PAX8: variants seen among roughly 807,000 people sequenced by gnomAD.
PAX8 encodes paired box protein Pax-8.
In PAX8, 15 loss-of-function variants were observed where a neutral mutation model predicts 52.4. The ratio of observed to expected loss-of-function variants is 0.29; its 90% CI spans 0.19 to 0.44. PAX8 has a LOEUF of 0.44. Ranked by LOEUF, PAX8 falls within the 20% of genes least tolerant of loss-of-function variation. The pLI, the probability that PAX8 is intolerant of heterozygous loss-of-function variation, is 1.00. For synonymous variants in PAX8, 284 were observed against 249.7 expected (o/e 1.14, Z -1.29); for missense variants, 554 against 602.5 (o/e 0.92, Z 0.84).
rs1693988335 is a variant in PAX8 at position 113,278,473 on chromosome 2, C to A, written c.-75-4G>T. 7.5e-6 allele frequency: 12 copies of A among 1,598,272 alleles called. No individual in the cohort carries two copies. In the East Asian group the frequency reaches 2.7e-4, roughly 36 times the overall value. ...CCGGGCCGCGCCTGCCGCTGCCCTG[C>A]ACAAACCCAGGAGAAGGGCATGAGA... On this transcript the variant is annotated splice_polypyrimidine_tract_variant and splice_region_variant and intron_variant, in intron 1 of 11. Coordinates refer to ENST00000429538, the MANE Select transcript of PAX8 (RefSeq NM_003466.4).
At chr2:113,253,766 T>A (rs1691974436) in intron 2 of PAX8, among the ~76,000 whole-genome samples, 1 of 152,158 alleles carries the variant, frequency 6.6e-6, no homozygotes, top group Non-Finnish European at 1.5e-5. Context: ...ATGGCTGTCA[T>A]AGAAAGGTAG....
intron 2 of PAX8, chr2:113,273,104 C>T (rs750852335): frequency 6.6e-6 from 1 of 152,230 alleles, no homozygotes; most frequent in Non-Finnish European, 1.5e-5. Flanking sequence ...CTCAGCACTT[C>T]TTGGACTGAT....
intron 10 of PAX8, among the ~76,000 whole-genome samples, chr2:113,221,310 C>T (rs1689260763): frequency 6.6e-6 from 1 of 152,196 alleles, no homozygotes; most frequent in Non-Finnish European, 1.5e-5. Context: ...GTCCACCCAG[C>T]CTTTCAGAAA....
chr2:113,251,457 T>C (rs1328875319), intron 2 of PAX8, among the ~76,000 whole-genome samples: 1 of 112,766 alleles, frequency 8.9e-6, no homozygotes, highest in Non-Finnish European at 1.8e-5. Context: ...GGATTGTGAG[T>C]GGGGAGGTGG....
At chr2:113,227,350 C>A (rs531535905) in intron 9 of PAX8, 94 bp from the exon 10 acceptor site, 15 of 1,014,644 alleles carry the variant, frequency 1.5e-5, no homozygotes, top group Non-Finnish European at 2.1e-5. Flanking sequence ...CCATGCCATT[C>A]CCACCCTCTC....
chr2:113,275,877 C>A (rs573208256), intron 2 of PAX8: 2 of 152,364 alleles, frequency 1.3e-5, no homozygotes, highest in African/African-American at 4.8e-5. Flanking sequence ...GGAAAGACAA[C>A]GTTAAGACTC....
chr2:113,253,928 A>T (rs572770715), intron 2 of PAX8, among the ~76,000 whole-genome samples: 1 of 152,178 alleles, frequency 6.6e-6, no homozygotes, highest in Non-Finnish European at 1.5e-5. Context: ...CATTTTTTGC[A>T]TAACTATATA....
chr2:113,232,033 CTCTT>C (rs1265585590), intron 9 of PAX8, among the ~76,000 whole-genome samples: 1 of 152,170 alleles, frequency 6.6e-6, no homozygotes, highest in Non-Finnish European at 1.5e-5. Flanking sequence ...CAGGTTCCTT[CTCTT>C]TCTTTCAAAT....
At chr2:113,241,465 C>T (rs757729232) in intron 7 of PAX8, 86 bp downstream of exon 7, 5 of 1,369,658 alleles carry the variant, frequency 3.7e-6, no homozygotes, top group Non-Finnish European at 5.0e-6. Context: ...CTTCCAGCTG[C>T]TTTGATGGAG....
Position 113,227,228 on chromosome 2 carries a change from G to A in PAX8, c.1116C>T (p.Pro372=), listed in dbSNP as rs189229644. ...TGGTGGGGATGTGGGGTGGGTATCC[G>A]GGCAGCGTGGGCCCCACCATCTCTC... The part of the protein sequence containing the change: ...SGREMVGPTL[P]GYPPHIPTSG... Residue 372 remains proline, a synonymous_variant, in exon 10 of 12, where the codon CCC becomes CCT. Coordinates refer to ENST00000429538, the MANE Select transcript of PAX8 (RefSeq NM_003466.4). 2.5e-4 allele frequency: 395 copies of A among 1,610,500 alleles called. No homozygotes were observed. The East Asian group carries it at 4.7e-3, about 19-fold the overall frequency.
In PAX8 at chr2:113,278,456, C is replaced by T; in HGVS notation, c.-62G>A. On this transcript the variant is annotated 5_prime_UTR_variant, in exon 2 of 12. Coordinates refer to ENST00000429538, the MANE Select transcript of PAX8 (RefSeq NM_003466.4). The stretch of plus-strand genomic sequence containing the variant: ...GGCTTCCTCCCGTAGGTCCGGGCCG[C>T]GCCTGCCGCTGCCCTGCACAAACCC... The T allele has an allele frequency of 1.2e-6, 2 of 1,605,840 alleles. No homozygotes were observed. The highest frequency in any genetic ancestry group is 1.1e-5 in the South Asian group (1 of 90,468).
At chr2:113,271,752 G>C (rs1312692693) in intron 2 of PAX8, 1 of 148,244 alleles carries the variant, frequency 6.7e-6, no homozygotes, top group Non-Finnish European at 1.5e-5. Flanking sequence ...GGTTGAGGTA[G>C]GGAGCAGTGG....
At position 113,244,146 on chromosome 2, in the gene PAX8, C is replaced by A. The variant is rs557727443; in HGVS notation, c.389+281G>T. Among the ~76,000 whole-genome samples the A allele has an allele frequency of 4.6e-5, 7 of 152,242 alleles. No individual in the cohort carries two copies. In the East Asian group the frequency reaches 9.7e-4, roughly 21 times the overall value. ...AGAAAAGGATCAATTCATGAAGATT[C>A]TTTTATTGAATGAAAGCAGATGTGG... On this transcript the variant is annotated intron_variant, in intron 4 of 11. Coordinates refer to ENST00000429538, the MANE Select transcript of PAX8 (RefSeq NM_003466.4).
chr2:113,272,142 A>C (rs1193064419), intron 2 of PAX8: 1 of 152,032 alleles, frequency 6.6e-6, no homozygotes, highest in Non-Finnish European at 1.5e-5. Flanking sequence ...ACAGAACCCA[A>C]GTATCCTTCG....
rs939477331 is a variant in PAX8 at position 113,257,588 on chromosome 2, A to T, written c.26-10669T>A. ...CCCCAATAGTGAGAGGGAGCTGGGG[A>T]GGGACAGGGGAGGGAGATAGAGGAT... On this transcript the variant is annotated intron_variant, in intron 2 of 11. Transcript: ENST00000429538. Among the ~76,000 whole-genome samples the T allele has an allele frequency of 5.3e-5, 8 of 152,150 alleles. No homozygotes were observed. In the East Asian group the frequency reaches 1.3e-3, roughly 26 times the overall value.
chr2:113,216,807 G>A lies in PAX8; in HGVS notation c.*1726C>T, dbSNP rs1689042563. ...CTGGGGTTTTGGGTAAAAGCGTTGG[G>A]CTTAGAGTAAGAGGACTTGGTTGAA... On this transcript the variant is annotated 3_prime_UTR_variant, in exon 12 of 12. Coordinates refer to ENST00000429538, the MANE Select transcript of PAX8 (RefSeq NM_003466.4). 4.4e-6 allele frequency: 1 copy of A among 228,676 alleles called. No individual in the cohort carries two copies. The highest frequency in any genetic ancestry group is 5.7e-5 in the Admixed American group (1 of 17,620). 14.2% of individuals were successfully genotyped at this position (228,676 alleles called of 1,614,324 possible).
At chr2:113,243,255 G>C (rs1041447624) in intron 4 of PAX8, among the ~76,000 whole-genome samples, 2 of 152,114 alleles carry the variant, frequency 1.3e-5, no homozygotes, top group Admixed American at 1.3e-4. Flanking sequence ...ATCTGCCAAG[G>C]GTTTCCCATT....
chr2:113,231,419 C>A (rs575723467), intron 9 of PAX8, among the ~76,000 whole-genome samples: 1 of 152,358 alleles, frequency 6.6e-6, no homozygotes, highest in East Asian at 1.9e-4. Flanking sequence ...TTCCCCAAAC[C>A]TTGCTGTTTC....
intron 2 of PAX8, among the ~76,000 whole-genome samples, chr2:113,254,132 A>G (rs950167646): frequency 2.0e-5 from 3 of 152,122 alleles, no homozygotes; most frequent in African/African-American, 7.2e-5. Flanking sequence ...CTAAATATTT[A>G]CCTAACCAAT....
Sources: allele counts gnomAD v4.1 joint callset (sites outside exome capture counted in the v4.1 genomes callset), GRCh38; gene constraint gnomAD v4.1.1; transcripts MANE v1.5; gene names NCBI Gene and HGNC (gene_info 2026-07-23, HGNC 2026-07-21).